Variants in EPYC observed in about 807,000 individuals in gnomAD.
EPYC encodes the protein dermatan sulfate proteoglycan 3.
A neutral mutation model predicts 30.1 loss-of-function variants in EPYC; 28 were observed. The observed-to-expected ratio is 0.93, with a 90% CI of 0.69 to 1.28. EPYC has a LOEUF of 1.28. EPYC is among the 50% of genes most tolerant of loss of function. The probability of loss-of-function intolerance (pLI) is 0.00; values close to 1 mark genes in which losing one functional copy is unlikely to be tolerated. For synonymous variants in EPYC, 144 were observed against 141.4 expected (o/e 1.02, Z -0.13); for missense variants, 382 against 383.5 (o/e 1.00, Z 0.03).
chr12:90,976,480 C>T (rs1016452288), intron 3 of EPYC, among the ~76,000 whole-genome samples: 1 of 151,956 alleles, frequency 6.6e-6, no homozygotes, highest in Admixed American at 6.6e-5. Flanking sequence ...TATTGAATGC[C>T]TTACTCAAGA....
intron 2 of EPYC, among the ~76,000 whole-genome samples, chr12:90,978,474 G>T (rs905616249): frequency 2.7e-5 from 4 of 150,026 alleles, no homozygotes; most frequent in Non-Finnish European, 4.4e-5. Context: ...AATCTTAGAA[G>T]TTGTTTCCAA....
chr12:91,001,950 A>T (rs532981166), intron 2 of EPYC, among the ~76,000 whole-genome samples: 4 of 152,106 alleles, frequency 2.6e-5, no homozygotes, highest in African/African-American at 7.2e-5. Context: ...GCATTTGGGA[A>T]GGCTGAGGGG....
intron 4 of EPYC, chr12:90,972,545 A>G (rs1378742279): frequency 4.2e-6 from 1 of 235,958 alleles, no homozygotes; most frequent in African/African-American, 2.3e-5. Context: ...ATGATAAAAC[A>G]TTCCAGCATG....
rs1446305077 is a variant in EPYC, at chr12:90,979,827, G to T, written c.166-1565C>A. On this transcript the variant is annotated intron_variant, in intron 2 of 6. Coordinates refer to ENST00000261172, the MANE Select transcript of EPYC (RefSeq NM_004950.5). ...AGTATAATTTTTTCCAACTTTGCTT[G>T]TCCAAAATATATCTAAGTCACAGCT... 2.0e-5 allele frequency among the ~76,000 whole-genome samples: 3 copies of T among 152,068 alleles called. No homozygotes were observed. In the East Asian group the frequency reaches 5.8e-4, roughly 29 times the overall value.
intron 2 of EPYC, among the ~76,000 whole-genome samples, chr12:90,981,455 G>T (rs927596762): frequency 7.9e-5 from 12 of 152,192 alleles, no homozygotes; most frequent in Middle Eastern, 3.4e-3. Context: ...TATGACAAAA[G>T]ATTTAAAACT....
chr12:90,973,533 G>A (rs12316686), intron 3 of EPYC, among the ~76,000 whole-genome samples: 3,319 of 152,210 alleles, frequency 0.022, 123 homozygotes, highest in African/African-American at 0.075. Flanking sequence ...TGTGATAAAT[G>A]TCATGAAGTG....
intron 1 of EPYC, among the ~76,000 whole-genome samples, chr12:91,003,236 C>T (rs1307281233): frequency 6.6e-6 from 1 of 152,112 alleles, no homozygotes; most frequent in East Asian, 1.9e-4. Context: ...TAAATACATA[C>T]ATTGTTTAAT....
rs1187688296 is a variant in EPYC at position 90,971,728 on chromosome 12, A to T, written c.702+72T>A. ...TAAATAAATTTATTTTCCCTACACG[A>T]ATAAAAAAGGTAGTCAATGACAGCA... is the stretch of plus-strand genomic sequence containing the variant. On this transcript the variant is annotated intron_variant, in intron 5 of 6. Transcript: ENST00000261172. The T allele has an allele frequency of 4.9e-6, 3 of 606,712 alleles. No homozygotes were observed. The African/African-American group carries it at 5.9e-5, about 12-fold the overall frequency. The allele number at this position is 606,712 out of a possible 1,614,324, so 37.6% of individuals were successfully genotyped here. A position where few individuals can be genotyped will look rare whatever the true frequency, so the allele number is the denominator to read the frequency against.
chr12:90,985,406 G>A (rs191626177), intron 2 of EPYC, among the ~76,000 whole-genome samples: 1 of 152,120 alleles, frequency 6.6e-6, no homozygotes, highest in African/African-American at 2.4e-5. Flanking sequence ...GATATGAGGA[G>A]AAAGCTCCAA....
intron 6 of EPYC, among the ~76,000 whole-genome samples, chr12:90,969,778 T>C (rs1396527668): frequency 6.6e-6 from 1 of 152,190 alleles, no homozygotes; most frequent in East Asian, 1.9e-4. Context: ...TAAAGAAGAT[T>C]TGTGTACCAA....
chr12:90,978,437 G>A (rs184846767), intron 2 of EPYC, among the ~76,000 whole-genome samples, 175 bp from the exon 3 acceptor site: 1 of 150,584 alleles, frequency 6.6e-6, no homozygotes, highest in African/African-American at 2.4e-5. Flanking sequence ...TCTAGTAACT[G>A]TTGTTTTTAA....
intron 5 of EPYC, among the ~76,000 whole-genome samples, chr12:90,970,461 A>G (rs1022881870): frequency 6.6e-6 from 1 of 152,200 alleles, no homozygotes; most frequent in Non-Finnish European, 1.5e-5. Context: ...TATGAAAGGC[A>G]TTCTGCAGTG....
At position 90,992,700 on chromosome 12, in the gene EPYC, T is replaced by C. The variant is rs145221966; in HGVS notation, c.165+9701A>G. ...AAAACGGAAAGATCTCAAATGTTAC[T>C]CTGAGAGAAGGAACATTATATTAGG... On this transcript the variant is annotated intron_variant, in intron 2 of 6. Coordinates refer to ENST00000261172, the MANE Select transcript of EPYC (RefSeq NM_004950.5). 2.6e-5 allele frequency among the ~76,000 whole-genome samples: 4 copies of C among 152,260 alleles called. No homozygotes were observed. The East Asian group carries it at 7.7e-4, about 29-fold the overall frequency.
chr12:90,984,360 C>T (rs148897819), intron 2 of EPYC, among the ~76,000 whole-genome samples: 35 of 152,144 alleles, frequency 2.3e-4, no homozygotes, highest in Non-Finnish European at 4.3e-4. Flanking sequence ...AAACCACAGG[C>T]GGTCTTTTCT....
intron 3 of EPYC, among the ~76,000 whole-genome samples, chr12:90,977,544 C>G (rs1254164049): frequency 6.6e-6 from 1 of 152,120 alleles, no homozygotes; most frequent in Non-Finnish European, 1.5e-5. Flanking sequence ...TTTGTGATGT[C>G]TGGCAAGTTA....
chr12:90,972,966 G>T lies in EPYC; in HGVS notation c.355C>A (p.Leu119Ile). 1 of 1,587,386 alleles carries T rather than the reference G, an allele frequency of 6.3e-7. No homozygotes were observed. The highest frequency in any genetic ancestry group is 1.2e-5 in the South Asian group (1 of 86,354). The stretch of plus-strand genomic sequence containing the variant: ...GTGGTACTTATACAAGTACACAAAA[G>T]ACAGGTTGGAAAGTCTAAAAGATAA... ...PHTNEDFPTC[L>I]LCTCISTTVY... The change falls in exon 4 of 7, where the codon CTT becomes ATT. Residue 119 changes from leucine (L) to isoleucine (I), a missense_variant. Transcript: ENST00000261172.
chr12:91,000,931 G>C (rs1468550736), intron 2 of EPYC, among the ~76,000 whole-genome samples: 1 of 152,034 alleles, frequency 6.6e-6, no homozygotes, highest in Non-Finnish European at 1.5e-5. Context: ...CAAGATTGTT[G>C]TTATCAACCA....
At chr12:90,968,078 T>C (rs1565869930) in intron 6 of EPYC, among the ~76,000 whole-genome samples, 1 of 152,184 alleles carries the variant, frequency 6.6e-6, no homozygotes, top group Non-Finnish European at 1.5e-5. Flanking sequence ...TCATGTATTT[T>C]GGGCCTCTGT....
Position 90,978,112 on chromosome 12 carries a change from C to T in EPYC, c.316G>A (p.Val106Ile), listed in dbSNP as rs758543610. 2 of 1,584,954 alleles carry T rather than the reference C, an allele frequency of 1.3e-6. No homozygotes were observed. Among genetic ancestry groups the T allele is most frequent in the East Asian group, 2.3e-5 (1 of 43,622 alleles). Residue 106 changes from valine (V) to isoleucine (I), a missense_variant, in exon 3 of 7, where the codon GTT becomes ATT. Coordinates refer to ENST00000261172, the MANE Select transcript of EPYC (RefSeq NM_004950.5). ...CCTTCATTTGTGTGTGGCCCCAGAA[C>T]CCCTGTGAATTCAGGCTCCTGGGGA... is the stretch of plus-strand genomic sequence containing the variant. ...SSPQEPEFTG[V>I]LGPHTNEDFP...
Sources: gnomAD v4.1 joint callset for allele counts (sites outside exome capture counted in the v4.1 genomes callset) on GRCh38, gnomAD v4.1.1 for gene constraint, MANE v1.5 for transcripts, NCBI Gene and HGNC (gene_info 2026-07-23, HGNC 2026-07-21) for gene names.